CDH18: variants seen among roughly 807,000 people sequenced by gnomAD.
The protein encoded by CDH18 is cadherin 18, also known as cadherin-18.
Under a neutral mutation model 67.9 loss-of-function variants are expected in CDH18, and 31 were observed. The observed-to-expected ratio is 0.46, with a 90% confidence interval of 0.34 to 0.62. CDH18 has a LOEUF of 0.62. CDH18 is among the 20% of genes least tolerant of loss of function. The pLI is 0.01. For missense variants in CDH18, 890 were observed against 975.5 expected, an observed-to-expected ratio of 0.91 and a Z score of 1.17; for synonymous variants, 362 against 347.2, an observed-to-expected ratio of 1.04 and a Z score of -0.48.
chr5:20,560,273 A>G (rs528484231), intron 1 of CDH18, among the ~76,000 whole-genome samples: 3 of 152,220 alleles, frequency 2.0e-5, no homozygotes, highest in South Asian at 4.1e-4. Flanking sequence ...AGAGTGCTGT[A>G]GTTCTAGAAC....
intron 9 of CDH18, among the ~76,000 whole-genome samples, chr5:19,528,743 T>C (rs568425694): frequency 6.6e-6 from 1 of 152,030 alleles, no homozygotes; most frequent in East Asian, 1.9e-4. Flanking sequence ...ACACTAAGCG[T>C]GGCAACACTT....
intron 2 of CDH18, among the ~76,000 whole-genome samples, chr5:20,010,099 A>G (rs1419852509): frequency 7.9e-6 from 1 of 127,174 alleles, no homozygotes; most frequent in African/African-American, 2.5e-5. Context: ...ATATTTCCAT[A>G]CATGAATGAT....
intron 2 of CDH18, among the ~76,000 whole-genome samples, chr5:20,002,869 G>C (rs1273370854): frequency 4.0e-5 from 6 of 150,682 alleles, no homozygotes; most frequent in East Asian, 2.0e-4. Context: ...TCAGAGCCTA[G>C]AGATAAAGAG....
intron 2 of CDH18, among the ~76,000 whole-genome samples, chr5:20,013,596 A>C (rs867999911): frequency 4.8e-4 from 73 of 152,118 alleles, no homozygotes; most frequent in Admixed American, 3.1e-3. Context: ...CATGAATTTT[A>C]TTTATAGGTA....
chr5:20,232,605 G>A (rs1398924882), intron 2 of CDH18, among the ~76,000 whole-genome samples: 3 of 152,010 alleles, frequency 2.0e-5, no homozygotes, highest in Admixed American at 2.0e-4. Context: ...CTGTCACCAT[G>A]CCAGACGGCA....
At chr5:20,104,793 T>C (rs1746785356) in intron 2 of CDH18, among the ~76,000 whole-genome samples, 1 of 152,074 alleles carries the variant, frequency 6.6e-6, no homozygotes, top group African/African-American at 2.4e-5. Context: ...CTTGCCTGTG[T>C]ATTCTATTAA....
intron 11 of CDH18, among the ~76,000 whole-genome samples, chr5:19,494,404 T>C (rs1373640990): frequency 6.6e-6 from 1 of 152,192 alleles, no homozygotes; most frequent in Non-Finnish European, 1.5e-5. Flanking sequence ...GAAGTGGCCA[T>C]AGTTTCACCT....
intron 1 of CDH18, among the ~76,000 whole-genome samples, chr5:20,257,755 C>A (rs1346637818): frequency 2.0e-5 from 3 of 152,138 alleles, no homozygotes; most frequent in Non-Finnish European, 4.4e-5. Context: ...ATAATATTTA[C>A]TTCTACTAAG....
chr5:20,000,652 G>A (rs1214947081), intron 2 of CDH18, among the ~76,000 whole-genome samples: 2 of 152,140 alleles, frequency 1.3e-5, no homozygotes, highest in Non-Finnish European at 2.9e-5. Context: ...AGAATTTTAT[G>A]AGTCAGCCAC....
chr5:20,080,630 T>C (rs1478713734), intron 2 of CDH18, among the ~76,000 whole-genome samples: 1 of 152,144 alleles, frequency 6.6e-6, no homozygotes, highest in Non-Finnish European at 1.5e-5. Flanking sequence ...AAATTATCAG[T>C]ATATTCAGTG....
chr5:20,525,135 C>T (rs1438469077), intron 1 of CDH18, among the ~76,000 whole-genome samples: 1 of 152,134 alleles, frequency 6.6e-6, no homozygotes, highest in Non-Finnish European at 1.5e-5. Context: ...GTAGCTTTAA[C>T]TCTGCAGTTT....
At position 19,747,073 on chromosome 5, in the gene CDH18, A is replaced by G. The variant is rs373349936; in HGVS notation, c.392T>C (p.Ile131Thr). 46 of 1,614,044 alleles carry G rather than the reference A, an allele frequency of 2.8e-5. No individual in the cohort carries two copies. The highest frequency in any genetic ancestry group is 3.8e-5 in the Non-Finnish European group (45 of 1,180,034). The change falls in exon 4 of 13, where the codon ATT (isoleucine) becomes ACT (threonine). Residue 131 changes from isoleucine to threonine, a missense_variant. Ile to Thr is a moderately conservative substitution (Grantham distance 89). This residue lies in a region of CDH18 where 234 missense variants were observed against 307.4 expected (regional missense o/e 0.76). Transcript: ENST00000382275. ...KTHYVLHAQA[I>T]DRRTNKPLEP... Reference sequence around the variant, plus strand: ...AAGAGGTTTGTTTGTACGTCTATCAATAGCTTGAGCATGAAGCACATAGTG... The same window carrying G: ...AAGAGGTTTGTTTGTACGTCTATCAGTAGCTTGAGCATGAAGCACATAGTG...
chr5:20,449,977 T>C (rs916379895), intron 1 of CDH18, among the ~76,000 whole-genome samples: 1 of 134,452 alleles, frequency 7.4e-6, no homozygotes, highest in Non-Finnish European at 1.5e-5. Context: ...ATCAACACAG[T>C]ATGCATAAGA....
At chr5:20,327,089 C>T (rs2150017513) in intron 1 of CDH18, among the ~76,000 whole-genome samples, 1 of 152,150 alleles carries the variant, frequency 6.6e-6, no homozygotes, top group East Asian at 1.9e-4. Flanking sequence ...ATTCAGGGAG[C>T]TATAACTATG....
intron 3 of CDH18, among the ~76,000 whole-genome samples, chr5:19,752,335 T>C (rs1770959041): frequency 6.6e-6 from 1 of 152,032 alleles, no homozygotes; most frequent in African/African-American, 2.4e-5. Context: ...GATGCTATGA[T>C]GGGGCCATGG....
intron 11 of CDH18, among the ~76,000 whole-genome samples, chr5:19,501,235 T>C (rs1743185195): frequency 7.0e-6 from 1 of 143,390 alleles, no homozygotes; most frequent in African/African-American, 2.7e-5. Flanking sequence ...ATAATTACAA[T>C]TATATATATA....
chr5:20,491,536 A>G (rs911739152), intron 1 of CDH18, among the ~76,000 whole-genome samples: 10 of 152,164 alleles, frequency 6.6e-5, no homozygotes, highest in African/African-American at 1.4e-4. Flanking sequence ...GAGACCAAGG[A>G]AAGAGCCAAA....
At chr5:19,529,010 C>T (rs2126963711) in intron 9 of CDH18, among the ~76,000 whole-genome samples, 1 of 151,244 alleles carries the variant, frequency 6.6e-6, no homozygotes, top group African/African-American at 2.4e-5. Flanking sequence ...CAGGAAAGAG[C>T]AACTGATTAA....
chr5:19,953,327 TTACA>T (rs1419297363), intron 2 of CDH18, among the ~76,000 whole-genome samples: 7 of 152,106 alleles, frequency 4.6e-5, no homozygotes, highest in African/African-American at 1.4e-4. Context: ...AGTTTAGTAC[TTACA>T]TAGAGGAAGA....
Sources: allele counts gnomAD v4.1 joint callset (sites outside exome capture counted in the v4.1 genomes callset), GRCh38; gene constraint gnomAD v4.1.1; regional missense constraint gnomAD v4.1.1; transcripts MANE v1.5; gene names NCBI Gene and HGNC (gene_info 2026-07-23, HGNC 2026-07-21).